The following ARHGAP15 variants were observed in gnomAD, a reference collection of about 807,000 sequenced individuals.
ARHGAP15 encodes the protein Rho GTPase activating protein 15.
A neutral mutation model predicts 63.7 loss-of-function variants in ARHGAP15; 51 were observed. That is an observed-to-expected ratio of 0.80 (90% CI 0.64 to 1.01). The LOEUF (loss-of-function observed/expected upper bound fraction) is 1.01, where lower values mean the gene tolerates loss of function less well. ARHGAP15 is among the 50% of genes least tolerant of loss of function. ARHGAP15 has a pLI of 0.00. For synonymous variants in ARHGAP15, 191 were observed against 193.8 expected, an observed-to-expected ratio of 0.99 and a Z score of 0.12; for missense variants, 560 against 564.6, an observed-to-expected ratio of 0.99 and a Z score of 0.08.
intron 12 of ARHGAP15, among the ~76,000 whole-genome samples, chr2:143,677,148 C>A (rs895182413): frequency 1.3e-5 from 2 of 152,170 alleles, no homozygotes; most frequent in African/African-American, 4.8e-5. Context: ...TCCAGTAATT[C>A]TAATATTGAC....
At chr2:143,184,750 T>C (rs1381008398) in intron 2 of ARHGAP15, among the ~76,000 whole-genome samples, 1 of 152,126 alleles carries the variant, frequency 6.6e-6, no homozygotes, top group Non-Finnish European at 1.5e-5. Context: ...GGCGTGTTTA[T>C]AGCTCACCAC....
chr2:143,405,937 T>C (rs1296056892), intron 6 of ARHGAP15, among the ~76,000 whole-genome samples: 1 of 151,990 alleles, frequency 6.6e-6, no homozygotes, highest in African/African-American at 2.4e-5. Flanking sequence ...CAAGATCATA[T>C]TTTAGGATTT....
At chr2:143,530,939 A>G (rs1184599790) in intron 10 of ARHGAP15, among the ~76,000 whole-genome samples, 2 of 152,218 alleles carry the variant, frequency 1.3e-5, no homozygotes, top group Non-Finnish European at 2.9e-5. Flanking sequence ...GCAATAAAAC[A>G]GTCCAAAGAA....
Position 143,563,876 on chromosome 2 carries a change from C to T in ARHGAP15, c.1003+7391C>T, listed in dbSNP as rs567296165. The stretch of plus-strand genomic sequence containing the variant: ...AATTGTACTGCATATCTCCTGCTGC[C>T]TAACCATATTACTGCCAACTTAGCT... On this transcript the variant is annotated intron_variant, in intron 11 of 13. Coordinates refer to ENST00000295095, the MANE Select transcript of ARHGAP15 (RefSeq NM_018460.4). The T allele has an allele frequency of 4.6e-5, 7 of 152,408 alleles. No individual in the cohort carries two copies. The South Asian group carries it at 1.5e-3, about 32-fold the overall frequency. 9.4% of individuals were successfully genotyped at this position (152,408 alleles called of 1,614,324 possible). A position where few individuals can be genotyped will look rare whatever the true frequency, so the allele number is the denominator to read the frequency against.
At chr2:143,496,613 T>G (rs1246398671) in intron 9 of ARHGAP15, among the ~76,000 whole-genome samples, 3 of 152,230 alleles carry the variant, frequency 2.0e-5, no homozygotes, top group Non-Finnish European at 2.9e-5. Flanking sequence ...CTCACTATAC[T>G]TTATGTGTTA....
chr2:143,693,739 TC>T (rs1683717506), intron 12 of ARHGAP15, among the ~76,000 whole-genome samples: 1 of 152,228 alleles, frequency 6.6e-6, no homozygotes, highest in South Asian at 2.1e-4. Context: ...AGGGATAGAA[TC>T]CAAGCATCTT....
intron 6 of ARHGAP15, among the ~76,000 whole-genome samples, chr2:143,359,945 T>G (rs193146291): frequency 7.2e-5 from 11 of 152,294 alleles, no homozygotes; most frequent in Admixed American, 3.9e-4. Flanking sequence ...ACAAACACTT[T>G]TTTCTTTTAA....
intron 8 of ARHGAP15, among the ~76,000 whole-genome samples, chr2:143,456,864 T>A (rs781332900): frequency 1.3e-4 from 19 of 151,862 alleles, no homozygotes; most frequent in African/African-American, 2.7e-4. Context: ...ATATAATGCA[T>A]GTATGTCTAT....
chr2:143,474,259 A>G (rs540772059), intron 8 of ARHGAP15, among the ~76,000 whole-genome samples: 1 of 152,316 alleles, frequency 6.6e-6, no homozygotes, highest in East Asian at 1.9e-4. Context: ...GATAAAAGCA[A>G]AACACTTAGC....
intron 6 of ARHGAP15, among the ~76,000 whole-genome samples, chr2:143,332,001 GC>G (rs1308460498): frequency 6.6e-6 from 1 of 151,992 alleles, no homozygotes; most frequent in African/African-American, 2.4e-5. Flanking sequence ...TGTCCTTCTA[GC>G]TAATTTTCAT....
intron 6 of ARHGAP15, among the ~76,000 whole-genome samples, chr2:143,342,956 A>T (rs1212904077): frequency 6.6e-6 from 1 of 152,070 alleles, no homozygotes; most frequent in Admixed American, 6.6e-5. Context: ...GTGTGTGTGT[A>T]AATTAGTATT....
At chr2:143,401,228 G>A (rs1385895127) in intron 6 of ARHGAP15, among the ~76,000 whole-genome samples, 3 of 151,954 alleles carry the variant, frequency 2.0e-5, no homozygotes, top group African/African-American at 7.2e-5. Context: ...AGGATGAATG[G>A]AGGTAGAAAT....
intron 11 of ARHGAP15, among the ~76,000 whole-genome samples, chr2:143,578,091 G>A (rs1008238069): frequency 6.6e-6 from 1 of 152,128 alleles, no homozygotes. Flanking sequence ...GGGAGCTGAT[G>A]TACATAAACC....
chr2:143,223,542 C>T (rs1042803422), intron 4 of ARHGAP15, among the ~76,000 whole-genome samples: 3 of 152,144 alleles, frequency 2.0e-5, no homozygotes, highest in East Asian at 3.8e-4. Context: ...TGTGGAGGCA[C>T]TGATTGGTCA....
intron 2 of ARHGAP15, among the ~76,000 whole-genome samples, chr2:143,182,843 A>G (rs1691293053): frequency 6.6e-6 from 1 of 152,174 alleles, no homozygotes; most frequent in South Asian, 2.1e-4. Flanking sequence ...TAGCAGGGAT[A>G]CTAACAACAT....
At chr2:143,407,008 G>C (rs556544503) in intron 6 of ARHGAP15, among the ~76,000 whole-genome samples, 15 of 152,076 alleles carry the variant, frequency 9.9e-5, no homozygotes, top group African/African-American at 3.4e-4. Flanking sequence ...AACTACAAGG[G>C]AGGCTTAGAA....
At chr2:143,461,120 T>C (rs1329829841) in intron 8 of ARHGAP15, among the ~76,000 whole-genome samples, 2 of 151,826 alleles carry the variant, frequency 1.3e-5, no homozygotes, top group African/African-American at 4.8e-5. Flanking sequence ...TGAAACCCTG[T>C]CTGTACTAAA....
At chr2:143,253,684 A>G (rs575257345) in intron 6 of ARHGAP15, among the ~76,000 whole-genome samples, 6 of 150,596 alleles carry the variant, frequency 4.0e-5, no homozygotes, top group Non-Finnish European at 5.9e-5. Context: ...TAAAGTATGT[A>G]TTAGATGTTA....
chr2:143,436,570 A>T (rs1689621160), intron 7 of ARHGAP15, among the ~76,000 whole-genome samples: 1 of 152,172 alleles, frequency 6.6e-6, no homozygotes, highest in Non-Finnish European at 1.5e-5. Flanking sequence ...TTTGAATTCT[A>T]GTTCTATCAT....
Sources: allele counts gnomAD v4.1 joint callset (sites outside exome capture counted in the v4.1 genomes callset), GRCh38; gene constraint gnomAD v4.1.1; transcripts MANE v1.5; gene names NCBI Gene and HGNC (gene_info 2026-07-23, HGNC 2026-07-21).